HYAL4: variants seen among roughly 807,000 people sequenced by gnomAD.
HYAL4 encodes the protein hyaluronidase 4, also known as hyaluronidase-4.
In HYAL4, 37 loss-of-function variants were observed where a neutral mutation model predicts 35.2. That is an observed-to-expected ratio of 1.05 (90% CI 0.81 to 1.38). The LOEUF (loss-of-function observed/expected upper bound fraction) is 1.38, where lower values mean the gene tolerates loss of function less well. Ranked by LOEUF, HYAL4 falls within the 40% of genes most tolerant of loss-of-function variation. The pLI is 0.00. For missense variants in HYAL4, 572 were observed against 572.4 expected (o/e 1.00, Z 0.01); for synonymous variants, 198 against 203.2 (o/e 0.97, Z 0.22).
the HYAL4 span, among the ~76,000 whole-genome samples, chr7:123,821,634 A>T: frequency 6.6e-6 from 1 of 152,192 alleles, no homozygotes; most frequent in East Asian, 1.9e-4. Flanking sequence ...GCTGTGCAAC[A>T]GCTTTTCAGT....
the HYAL4 span, among the ~76,000 whole-genome samples, chr7:123,797,514 T>G: frequency 6.6e-6 from 1 of 152,242 alleles, no homozygotes; most frequent in Non-Finnish European, 1.5e-5. Context: ...CTTATTTTTC[T>G]TGCCTTTGCA....
At chr7:123,779,307 A>T in the HYAL4 span, among the ~76,000 whole-genome samples, 1 of 152,170 alleles carries the variant, frequency 6.6e-6, no homozygotes, top group Non-Finnish European at 1.5e-5. Flanking sequence ...TCCAAGACCA[A>T]ATGAAATGCT....
the HYAL4 span, among the ~76,000 whole-genome samples, chr7:123,783,800 T>G: frequency 6.6e-6 from 1 of 152,200 alleles, no homozygotes; most frequent in Non-Finnish European, 1.5e-5. Context: ...AGACTTTATG[T>G]CATTGGTGAG....
chr7:123,779,005 C>T, the HYAL4 span, among the ~76,000 whole-genome samples: 1 of 152,102 alleles, frequency 6.6e-6, no homozygotes, highest in Non-Finnish European at 1.5e-5. Context: ...TGCCACTCTT[C>T]TCACTAGCTT....
At position 123,877,159 on chromosome 7, in the gene HYAL4, A is replaced by T; in HGVS notation, c.*4A>T. The T allele has an allele frequency of 6.2e-7, 1 of 1,609,310 alleles. No individual in the cohort carries two copies. The highest frequency in any genetic ancestry group is 8.5e-7 in the Non-Finnish European group (1 of 1,176,920). On this transcript the variant is annotated 3_prime_UTR_variant, in exon 5 of 5. Coordinates refer to ENST00000223026, the MANE Select transcript of HYAL4 (RefSeq NM_012269.3). ...TTATCGAAGCATTCAGTTGTGAGAT[A>T]ATTGAGTTTAAAGGGAATTGTGTGG...
the HYAL4 span, among the ~76,000 whole-genome samples, chr7:123,782,328 A>G: frequency 6.6e-6 from 1 of 152,134 alleles, no homozygotes; most frequent in Non-Finnish European, 1.5e-5. Flanking sequence ...CACTCAAATT[A>G]TAGTTTCAGG....
At chr7:123,847,548 C>T (rs1806201326) in intron 1 of HYAL4, among the ~76,000 whole-genome samples, 1 of 152,110 alleles carries the variant, frequency 6.6e-6, no homozygotes, top group Non-Finnish European at 1.5e-5. Flanking sequence ...GAGGCCCAGT[C>T]AGGTGGATCA....
At chr7:123,823,122 C>G in the HYAL4 span, among the ~76,000 whole-genome samples, 1 of 152,044 alleles carries the variant, frequency 6.6e-6, no homozygotes, top group Non-Finnish European at 1.5e-5. Flanking sequence ...ATGGCACATT[C>G]TTTCTACACC....
intron 2 of HYAL4, among the ~76,000 whole-genome samples, chr7:123,852,666 A>G (rs1806336676): frequency 6.6e-6 from 1 of 152,182 alleles, no homozygotes; most frequent in Non-Finnish European, 1.5e-5. Context: ...GAAGTCAGGT[A>G]GTGTGATGCC....
intron 2 of HYAL4, 38 bp downstream of exon 2, chr7:123,848,196 A>T (rs544044301): frequency 3.3e-5 from 5 of 152,754 alleles, no homozygotes; most frequent in South Asian, 2.1e-4. Context: ...TAAAAATTTT[A>T]AAAATTGTTT....
At chr7:123,807,500 C>A in the HYAL4 span, among the ~76,000 whole-genome samples, 1 of 137,182 alleles carries the variant, frequency 7.3e-6, no homozygotes, top group Non-Finnish European at 1.5e-5. Flanking sequence ...AGTGGTGCAA[C>A]CTCTGCCTCA....
chr7:123,807,914 A>AATTATTATTATTATTATT, the HYAL4 span, among the ~76,000 whole-genome samples: 130 of 136,554 alleles, frequency 9.5e-4, no homozygotes, highest in African/African-American at 2.1e-3. Context: ...TTAGCTGGAT[A>AATTATTATTATTATTATT]ATTATTATTA....
chr7:123,828,083 A>T (rs10244272), upstream of HYAL4, among the ~76,000 whole-genome samples: 6,280 of 152,156 alleles, frequency 0.041, 346 homozygotes, highest in African/African-American at 0.12. Flanking sequence ...TTAAAGCCCA[A>T]TGCTATGGAC....
chr7:123,857,337 C>T (rs1806463746), intron 2 of HYAL4, among the ~76,000 whole-genome samples: 4 of 152,168 alleles, frequency 2.6e-5, no homozygotes, highest in Admixed American at 2.6e-4. Flanking sequence ...ATCTCCTGGT[C>T]TGCAGGTTGC....
the HYAL4 span, among the ~76,000 whole-genome samples, chr7:123,800,248 C>A: frequency 6.6e-6 from 1 of 150,568 alleles, no homozygotes; most frequent in Admixed American, 6.6e-5. Context: ...CGGCTCACTG[C>A]AAGCTCCACC....
intron 3 of HYAL4, among the ~76,000 whole-genome samples, chr7:123,869,835 T>TC (rs1482415763): frequency 4.1e-5 from 6 of 145,754 alleles, no homozygotes; most frequent in East Asian, 3.9e-4. Flanking sequence ...TTACAGGTGC[T>TC]CACCCCCCCC....
At chr7:123,842,303 G>A (rs148068015), upstream of HYAL4, among the ~76,000 whole-genome samples, 26 of 152,082 alleles carry the variant, frequency 1.7e-4, no homozygotes, top group African/African-American at 5.5e-4. Context: ...GTAGTAGTGC[G>A]GTTTGGAGTG....
the HYAL4 span, among the ~76,000 whole-genome samples, chr7:123,801,633 G>C: frequency 6.6e-6 from 1 of 152,014 alleles, no homozygotes; most frequent in African/African-American, 2.4e-5. Flanking sequence ...TTATTTATTT[G>C]ATTTCATCAA....
At chr7:123,818,547 A>G in the HYAL4 span, among the ~76,000 whole-genome samples, 20 of 152,300 alleles carry the variant, frequency 1.3e-4, 1 homozygote, top group African/African-American at 4.6e-4. Flanking sequence ...AAAAATTATT[A>G]TGTTATAGTC....
Sources: allele counts gnomAD v4.1 joint callset (sites outside exome capture counted in the v4.1 genomes callset), GRCh38; gene constraint gnomAD v4.1.1; transcripts MANE v1.5; gene names NCBI Gene and HGNC (gene_info 2026-07-23, HGNC 2026-07-21).